The following STK32B variants were observed in gnomAD, a reference collection of about 807,000 sequenced individuals.
The protein encoded by STK32B is serine/threonine-protein kinase 32B.
In STK32B, 43 loss-of-function variants were observed where a neutral mutation model predicts 52.6. The ratio of observed to expected loss-of-function variants is 0.82; its 90% CI spans 0.64 to 1.05. STK32B has a LOEUF of 1.05. Among genes scored for constraint, STK32B ranks in the 50% least tolerant of loss-of-function variants. The probability of loss-of-function intolerance (pLI) is 0.00; values close to 1 mark genes in which losing one functional copy is unlikely to be tolerated. For missense variants in STK32B, 621 were observed against 534.6 expected (o/e 1.16, Z -1.59); for synonymous variants, 238 against 204.3 (o/e 1.17, Z -1.41).
chr4:5,254,367 G>C (rs1726153372), intron 3 of STK32B, among the ~76,000 whole-genome samples: 1 of 150,978 alleles, frequency 6.6e-6, no homozygotes, highest in Admixed American at 6.6e-5. Flanking sequence ...CTTCTATATT[G>C]TTTATTTGTT....
At chr4:5,365,380 G>A (rs1469921128) in intron 4 of STK32B, among the ~76,000 whole-genome samples, 1 of 152,142 alleles carries the variant, frequency 6.6e-6, no homozygotes, top group Non-Finnish European at 1.5e-5. Context: ...CACAGTGCCT[G>A]GCACACAGTA....
chr4:5,232,861 G>A (rs1248079393), intron 3 of STK32B, among the ~76,000 whole-genome samples: 2 of 152,102 alleles, frequency 1.3e-5, no homozygotes, highest in Non-Finnish European at 2.9e-5. Context: ...CAGGCCAGTG[G>A]GAATACCAGC....
intron 11 of STK32B, among the ~76,000 whole-genome samples, chr4:5,489,503 G>T (rs1046751852): frequency 1.3e-5 from 2 of 151,864 alleles, no homozygotes; most frequent in Non-Finnish European, 2.9e-5. Context: ...TGAAAACATA[G>T]AAAAAGCAAA....
At chr4:5,354,995 G>A (rs766184234) in intron 4 of STK32B, among the ~76,000 whole-genome samples, 2 of 152,180 alleles carry the variant, frequency 1.3e-5, no homozygotes, top group Non-Finnish European at 2.9e-5. Flanking sequence ...GAACCTGGAA[G>A]AGGGAGGGAA....
chr4:5,491,918 G>A (rs1232286063), intron 11 of STK32B, among the ~76,000 whole-genome samples: 4 of 152,278 alleles, frequency 2.6e-5, no homozygotes, highest in Admixed American at 1.3e-4. Context: ...TGAGGGCTCT[G>A]TTGTGTTCCA....
At position 5,288,812 on chromosome 4, in the gene STK32B, A is replaced by C. The variant is rs369497028; in HGVS notation, c.261-42408A>C. Among the ~76,000 whole-genome samples, 20 of 152,202 alleles carry C rather than the reference A, an allele frequency of 1.3e-4. No homozygotes were observed. In the East Asian group the frequency reaches 3.7e-3, roughly 28 times the overall value. The stretch of plus-strand genomic sequence containing the variant: ...TGGTGTCCTATCCAAGCTCTTGAAA[A>C]CCTACACCTATGTTTTGTTCTGAAA... On this transcript the variant is annotated intron_variant, in intron 3 of 11. Coordinates refer to ENST00000282908, the MANE Select transcript of STK32B (RefSeq NM_018401.3).
At chr4:5,253,753 T>G (rs903241328) in intron 3 of STK32B, among the ~76,000 whole-genome samples, 1 of 152,198 alleles carries the variant, frequency 6.6e-6, no homozygotes, top group Non-Finnish European at 1.5e-5. Flanking sequence ...ACTACTGAAC[T>G]GTACACTTGG....
chr4:5,446,657 G>T lies in STK32B; in HGVS notation c.563-16G>T. On this transcript the variant is annotated splice_polypyrimidine_tract_variant and intron_variant, in intron 6 of 11. Coordinates refer to ENST00000282908, the MANE Select transcript of STK32B (RefSeq NM_018401.3). ...TGGGATACACAATGATGTTCTCCTT[G>T]TCCTCTCGTTGGCAGCTCCAGAAGT... The T allele has an allele frequency of 6.2e-7, 1 of 1,610,532 alleles. No individual in the cohort carries two copies. Among genetic ancestry groups the T allele is most frequent in the Non-Finnish European group, 8.5e-7 (1 of 1,177,516 alleles).
the STK32B span, among the ~76,000 whole-genome samples, chr4:5,044,430 T>C: frequency 1.3e-5 from 2 of 151,994 alleles, no homozygotes; most frequent in Non-Finnish European, 2.9e-5. Flanking sequence ...CCCAATCTCC[T>C]CCTTCCCTCC....
intron 4 of STK32B, among the ~76,000 whole-genome samples, chr4:5,397,176 T>C (rs575246250): frequency 2.8e-4 from 43 of 152,386 alleles, no homozygotes; most frequent in African/African-American, 9.9e-4. Flanking sequence ...TGAAGAAAGC[T>C]ATCATTAGTC....
intron 11 of STK32B, among the ~76,000 whole-genome samples, chr4:5,485,744 G>A (rs1457836834): frequency 1.3e-5 from 2 of 152,160 alleles, no homozygotes; most frequent in African/African-American, 4.8e-5. Context: ...TTTGATGATG[G>A]TGATGTACAG....
chr4:5,437,366 G>A (rs1002259434), intron 6 of STK32B, among the ~76,000 whole-genome samples: 1 of 152,240 alleles, frequency 6.6e-6, no homozygotes, highest in African/African-American at 2.4e-5. Context: ...GATTCTTTCT[G>A]CCTCTTTGAG....
At chr4:5,442,406 A>G (rs900889572) in intron 6 of STK32B, among the ~76,000 whole-genome samples, 1 of 151,826 alleles carries the variant, frequency 6.6e-6, no homozygotes, top group Non-Finnish European at 1.5e-5. Flanking sequence ...AGTCTGTTTT[A>G]TCAGAGACTA....
At chr4:5,139,596 C>T (rs1716281449) in intron 1 of STK32B, 1 of 367,856 alleles carries the variant, frequency 2.7e-6, no homozygotes, top group Non-Finnish European at 5.1e-6. Flanking sequence ...GTTGACCTGT[C>T]TTGGTGTAGG....
chr4:5,315,284 A>G (rs1730591229), intron 3 of STK32B, among the ~76,000 whole-genome samples: 1 of 152,156 alleles, frequency 6.6e-6, no homozygotes, highest in African/African-American at 2.4e-5. Context: ...AGATGTGACT[A>G]CACACCTGTC....
rs115435227 is a variant in STK32B, at chr4:5,181,564, C to G, written c.260+13114C>G. ...TTACAGGCATACGTCGGAAATATTG[C>G]AGGTTCAGTATCAGAACACAACAAA... On this transcript the variant is annotated intron_variant, in intron 3 of 11. Transcript: ENST00000282908. Among the ~76,000 whole-genome samples, 1,124 of 152,304 alleles carry G rather than the reference C, an allele frequency of 7.4e-3. 12 individuals carry two copies. Among genetic ancestry groups the G allele is most frequent in the African/African-American group, 0.025 (1,048 of 41,564 alleles).
intron 5 of STK32B, among the ~76,000 whole-genome samples, chr4:5,409,199 C>T (rs1010221302): frequency 2.0e-5 from 3 of 152,098 alleles, no homozygotes; most frequent in Admixed American, 6.5e-5. Context: ...TCGGCCAGAA[C>T]CCTTGCTGCA....
intron 1 of STK32B, among the ~76,000 whole-genome samples, chr4:5,074,221 A>G (rs1324317855): frequency 7.3e-6 from 1 of 137,556 alleles, no homozygotes; most frequent in Admixed American, 7.2e-5. Flanking sequence ...CGCGTGCGTG[A>G]AATATATTTC....
At chr4:5,270,242 T>C (rs895303314) in intron 3 of STK32B, among the ~76,000 whole-genome samples, 1 of 152,310 alleles carries the variant, frequency 6.6e-6, no homozygotes. Context: ...CAATAGTCCA[T>C]CTGCAAGCTG....
Sources: allele counts gnomAD v4.1 joint callset (sites outside exome capture counted in the v4.1 genomes callset), GRCh38; gene constraint gnomAD v4.1.1; transcripts MANE v1.5; gene names NCBI Gene and HGNC (gene_info 2026-07-23, HGNC 2026-07-21).